Variants in MAGI1 observed in about 807,000 individuals in gnomAD.
MAGI1 encodes membrane associated guanylate kinase, WW and PDZ domain containing 1, also known as membrane-associated guanylate kinase, WW and PDZ domain-containing protein 1.
Under a neutral mutation model 139.9 loss-of-function variants are expected in MAGI1, and 58 were observed. The ratio of observed to expected loss-of-function variants is 0.41; its 90% CI spans 0.34 to 0.52. MAGI1 has a LOEUF of 0.52. Ranked by LOEUF, MAGI1 falls within the 20% of genes least tolerant of loss-of-function variation. The pLI is 0.12. For synonymous variants in MAGI1, 812 were observed against 737.9 expected (o/e 1.10, Z -1.63); for missense variants, 1,874 against 1,901.6 (o/e 0.99, Z 0.27).
chr3:65,543,756 G>A (rs879432936), intron 2 of MAGI1, among the ~76,000 whole-genome samples: 2 of 133,566 alleles, frequency 1.5e-5, no homozygotes, highest in African/African-American at 5.7e-5. Flanking sequence ...TGTCAGGGAT[G>A]GGGGGGGGTA....
chr3:65,662,892 G>A (rs1210542527), intron 1 of MAGI1, among the ~76,000 whole-genome samples: 1 of 152,060 alleles, frequency 6.6e-6, no homozygotes, highest in Non-Finnish European at 1.5e-5. Context: ...TATTCTGCTG[G>A]TAGACAGGTT....
intron 2 of MAGI1, among the ~76,000 whole-genome samples, chr3:65,531,514 A>T (rs1050758836): frequency 2.6e-5 from 4 of 152,224 alleles, no homozygotes; most frequent in Non-Finnish European, 5.9e-5. Context: ...TATTTACAGT[A>T]TAATACTTAT....
chr3:65,360,972 G>A, intron 22 of MAGI1: 1 of 1,432,540 alleles, frequency 7.0e-7, no homozygotes. Flanking sequence ...TCAGAAAGGG[G>A]GCTATAAAGA....
At chr3:65,922,812 G>A (rs1275432211) in intron 1 of MAGI1, among the ~76,000 whole-genome samples, 1 of 152,194 alleles carries the variant, frequency 6.6e-6, no homozygotes, top group African/African-American at 2.4e-5. Flanking sequence ...CCAGTTGGAA[G>A]TTCAGCAGGT....
chr3:65,534,868 G>A (rs1478548725), intron 2 of MAGI1, among the ~76,000 whole-genome samples: 1 of 152,148 alleles, frequency 6.6e-6, no homozygotes, highest in Non-Finnish European at 1.5e-5. Context: ...CTAAGGCATG[G>A]ATGCTGCCGA....
chr3:65,553,819 A>T (rs1336551970), intron 2 of MAGI1, among the ~76,000 whole-genome samples: 1 of 152,214 alleles, frequency 6.6e-6, no homozygotes, highest in African/African-American at 2.4e-5. Flanking sequence ...TATCCCCATG[A>T]TCCATACTCA....
intron 3 of MAGI1, among the ~76,000 whole-genome samples, chr3:65,482,690 T>C (rs1025628282): frequency 3.2e-4 from 48 of 152,250 alleles, no homozygotes; most frequent in African/African-American, 1.0e-3. Flanking sequence ...CTACAACCTT[T>C]ACAGAAAAGA....
chr3:65,989,705 T>C lies in MAGI1; in HGVS notation c.313+48291A>G, dbSNP rs141286954. Among the ~76,000 whole-genome samples, 519 of 152,124 alleles carry C rather than the reference T, an allele frequency of 3.4e-3. 6 individuals are homozygous for C. Among genetic ancestry groups the C allele is most frequent in the African/African-American group, 0.012 (502 of 41,494 alleles). Reference sequence around the variant, plus strand: ...GGCACCAGCCACCACACCCGGCTAATTTTTGTATTTTTGGTAGAGACAGGG... The same window carrying C: ...GGCACCAGCCACCACACCCGGCTAACTTTTGTATTTTTGGTAGAGACAGGG... On this transcript the variant is annotated intron_variant, in intron 1 of 22. Coordinates refer to ENST00000402939, the MANE Select transcript of MAGI1 (RefSeq NM_001033057.2).
rs138231529 is a variant in MAGI1 at position 65,481,211 on chromosome 3, T to C, written c.551-2413A>G. Among the ~76,000 whole-genome samples, 826 of 152,274 alleles carry C rather than the reference T, an allele frequency of 5.4e-3. 7 individuals are homozygous for C. Among genetic ancestry groups the C allele is most frequent in the African/African-American group, 0.017 (691 of 41,552 alleles). On this transcript the variant is annotated intron_variant, in intron 3 of 22. Coordinates refer to ENST00000402939, the MANE Select transcript of MAGI1 (RefSeq NM_001033057.2). ...GGTTTCCAACTTACAGGCGCTAGAA[T>C]TGAGTCGAATCAGCTTGAAGAAAGG...
intron 1 of MAGI1, among the ~76,000 whole-genome samples, chr3:65,996,540 A>AGG (rs55913122): frequency 3.6e-4 from 46 of 126,478 alleles, no homozygotes; most frequent in South Asian, 2.3e-3. Context: ...TGAAAAACTA[A>AGG]GGGGGGGGGG....
At chr3:66,006,380 A>G (rs971450697) in intron 1 of MAGI1, among the ~76,000 whole-genome samples, 13 of 152,216 alleles carry the variant, frequency 8.5e-5, no homozygotes, top group African/African-American at 3.1e-4. Flanking sequence ...AAGTCTTAAA[A>G]GCTTCTCCTA....
At chr3:65,449,141 G>A in intron 6 of MAGI1, among the ~76,000 whole-genome samples, 1 of 142,028 alleles carries the variant, frequency 7.0e-6, no homozygotes, top group South Asian at 2.6e-4. Flanking sequence ...GGGGGAGGGA[G>A]GAGGGATAGC....
intron 2 of MAGI1, among the ~76,000 whole-genome samples, chr3:65,530,704 T>C (rs1319552026): frequency 7.1e-6 from 1 of 139,950 alleles, no homozygotes; most frequent in Non-Finnish European, 1.5e-5. Context: ...TATATACACA[T>C]ATACACGTGT....
chr3:65,431,466 A>T (rs9866826), intron 10 of MAGI1, among the ~76,000 whole-genome samples: 22,934 of 152,168 alleles, frequency 0.15, 1,829 homozygotes, highest in South Asian at 0.21. Context: ...TTCTAAATTC[A>T]ACTGATTTTT....
intron 1 of MAGI1, among the ~76,000 whole-genome samples, chr3:65,659,500 C>T (rs1474714097): frequency 6.6e-6 from 1 of 152,076 alleles, no homozygotes; most frequent in Non-Finnish European, 1.5e-5. Flanking sequence ...TCCAAAAACA[C>T]TCATATTTGG....
chr3:65,481,492 C>T (rs1390175496), intron 3 of MAGI1, among the ~76,000 whole-genome samples: 2 of 152,102 alleles, frequency 1.3e-5, no homozygotes, highest in Non-Finnish European at 2.9e-5. Context: ...AGGAGAGAGA[C>T]AAAGCTCTAA....
chr3:65,870,956 T>G (rs2059917854), intron 1 of MAGI1, among the ~76,000 whole-genome samples: 1 of 152,030 alleles, frequency 6.6e-6, no homozygotes, highest in African/African-American at 2.4e-5. Context: ...AATTTTTTTT[T>G]GAGACACAGT....
intron 1 of MAGI1, among the ~76,000 whole-genome samples, chr3:65,890,321 C>A (rs901533779): frequency 6.6e-6 from 1 of 152,096 alleles, no homozygotes; most frequent in Non-Finnish European, 1.5e-5. Context: ...GCAGAGATAG[C>A]GCCACTGCAC....
intron 1 of MAGI1, among the ~76,000 whole-genome samples, chr3:65,994,507 C>T (rs548118292): frequency 1.3e-4 from 20 of 152,310 alleles, no homozygotes; most frequent in Admixed American, 1.0e-3. Context: ...TTGAATGTAT[C>T]TGTTTCAATT....
Sources: gnomAD v4.1 joint callset for allele counts (sites outside exome capture counted in the v4.1 genomes callset) on GRCh38, gnomAD v4.1.1 for gene constraint, MANE v1.5 for transcripts, NCBI Gene and HGNC (gene_info 2026-07-23, HGNC 2026-07-21) for gene names.